IGF2R: variants seen among roughly 807,000 people sequenced by gnomAD.
The protein encoded by IGF2R is cation-independent mannose-6-phosphate receptor.
Under a neutral mutation model 270.6 loss-of-function variants are expected in IGF2R, and 91 were observed. The observed-to-expected ratio is 0.34, with a 90% CI of 0.28 to 0.40. The LOEUF (loss-of-function observed/expected upper bound fraction) is 0.40, where lower values mean the gene tolerates loss of function less well. IGF2R is among the 10% of genes least tolerant of loss of function. The probability of loss-of-function intolerance (pLI) is 1.00; values close to 1 mark genes in which losing one functional copy is unlikely to be tolerated. For synonymous variants in IGF2R, 1,316 were observed against 1,258.9 expected, an observed-to-expected ratio of 1.05 and a Z score of -0.96; for missense variants, 2,805 against 3,188.3, an observed-to-expected ratio of 0.88 and a Z score of 2.90.
rs148885068 is a variant in IGF2R at position 160,058,999 on chromosome 6, A to G, written c.2992A>G (p.Asn998Asp). ...AGAAACCCAAACTGAAGAGCTCAAG[A>G]ATTGGAAGCCAGCAAGGCCAGTCGG... ...EAETQTEELKNWKPARPVGIE... is the reference protein window; with the variant it reads ...EAETQTEELKDWKPARPVGIE... The change falls in exon 22 of 48, where the codon AAT (asparagine) becomes GAT (aspartate). Residue 998 changes from asparagine (N) to aspartate (D), a missense_variant. Transcript: ENST00000356956. 3.8e-5 allele frequency: 62 copies of G among 1,614,130 alleles called. No individual in the cohort carries two copies. The East Asian group carries it at 5.3e-4, about 14-fold the overall frequency.
intron 1 of IGF2R, among the ~76,000 whole-genome samples, chr6:159,986,216 C>G (rs926247749): frequency 2.0e-5 from 3 of 151,098 alleles, no homozygotes; most frequent in Admixed American, 6.6e-5. Flanking sequence ...GCTTTCTTAC[C>G]TATCCTGCTG....
intron 2 of IGF2R, among the ~76,000 whole-genome samples, chr6:159,996,641 C>A (rs112118335): frequency 6.6e-6 from 1 of 152,126 alleles, no homozygotes; most frequent in East Asian, 1.9e-4. Context: ...TGTCACACCC[C>A]GTCCTGGCGC....
chr6:160,064,283 G>A, intron 27 of IGF2R, 118 bp from the exon 28 acceptor site: 1 of 1,144,770 alleles, frequency 8.7e-7, no homozygotes, highest in Non-Finnish European at 1.3e-6. Context: ...ATGGTGCTGG[G>A]AGGCCAGGGA....
intron 4 of IGF2R, among the ~76,000 whole-genome samples, chr6:160,022,453 G>A (rs1026526243): frequency 4.6e-5 from 7 of 152,092 alleles, no homozygotes; most frequent in African/African-American, 1.7e-4. Flanking sequence ...CTAACAGTGG[G>A]GTTTCTTGAT....
chr6:160,043,365 C>T lies in IGF2R; in HGVS notation c.1621+77C>T, dbSNP rs537792618. ...GTTTGGAATGAGTTAGAAGATCTTT[C>T]TGTGGTTCATCTAAGCCTCCTCTTT... On this transcript the variant is annotated intron_variant, in intron 12 of 47. Transcript: ENST00000356956. The T allele has an allele frequency of 1.1e-5, 16 of 1,466,886 alleles. 1 individual carries two copies. In the East Asian group the frequency reaches 1.4e-4, roughly 13 times the overall value. 90.9% of individuals were successfully genotyped at this position (1,466,886 alleles called of 1,614,324 possible).
chr6:160,021,722 A>G (rs1777439967), intron 4 of IGF2R, among the ~76,000 whole-genome samples: 1 of 152,306 alleles, frequency 6.6e-6, no homozygotes, highest in Non-Finnish European at 1.5e-5. Context: ...TAAAAAGTCA[A>G]AAAACAACAG....
chr6:159,984,540 C>T (rs927392171), intron 1 of IGF2R, among the ~76,000 whole-genome samples: 14 of 152,170 alleles, frequency 9.2e-5, no homozygotes, highest in Non-Finnish European at 1.8e-4. Flanking sequence ...ACCTTTTCTA[C>T]GTTTAGATAT....
chr6:160,027,230 G>A lies in IGF2R; in HGVS notation c.692G>A (p.Gly231Asp), dbSNP rs8191753. ...PGSQLRACPPGTAACLVRGHQ... is the reference protein window; with the variant it reads ...PGSQLRACPPDTAACLVRGHQ... ...TCACAGCTGCGGGCCTGTCCCCCCG[G>A]CACTGCCGCCTGCCTGGTAAGAGGA... The change falls in exon 6 of 48, where the codon GGC becomes GAC. Residue 231 changes from glycine to aspartate, a missense_variant. Transcript: ENST00000356956. The A allele has an allele frequency of 5.5e-4, 889 of 1,614,214 alleles. 2 individuals carry two copies. In the African/African-American group the frequency reaches 8.7e-3, roughly 16 times the overall value.
chr6:159,970,318 G>GCTTCC (rs1783591184), intron 1 of IGF2R, among the ~76,000 whole-genome samples: 1 of 152,128 alleles, frequency 6.6e-6, no homozygotes, highest in African/African-American at 2.4e-5. Flanking sequence ...AGGATGAAAA[G>GCTTCC]TTTTGAACAG....
intron 44 of IGF2R, among the ~76,000 whole-genome samples, chr6:160,092,440 C>G (rs1779247820): frequency 6.6e-6 from 1 of 152,364 alleles, no homozygotes; most frequent in Middle Eastern, 3.4e-3. Flanking sequence ...TGAGGATCCC[C>G]AGCTTTCAGA....
In IGF2R at chr6:160,084,226, C is replaced by A; in HGVS notation, c.6068+42C>A. 2 of 1,204,660 alleles carry A rather than the reference C, an allele frequency of 1.7e-6. No individual in the cohort carries two copies. The highest frequency in any genetic ancestry group is 2.5e-6 in the Non-Finnish European group (2 of 810,652). 74.6% of individuals were successfully genotyped at this position (1,204,660 alleles called of 1,614,324 possible). ...TCCACCCGCGGCGCCACACCCTCAG[C>A]ATGTGAACTTCAGACTGCTTGACGA... On this transcript the variant is annotated intron_variant, in intron 40 of 47. Coordinates refer to ENST00000356956, the MANE Select transcript of IGF2R (RefSeq NM_000876.4). The surrounding 1 kb of genome is among the most constrained non-coding windows in gnomAD (Gnocchi z 4.6).
chr6:160,075,419 G>A (rs989645936), intron 35 of IGF2R, among the ~76,000 whole-genome samples: 1 of 152,224 alleles, frequency 6.6e-6, no homozygotes. Flanking sequence ...ACTGGGCAGT[G>A]AGGGTGGCAG....
chr6:160,016,603 A>G (rs1055224580), intron 4 of IGF2R, among the ~76,000 whole-genome samples: 7 of 152,212 alleles, frequency 4.6e-5, no homozygotes, highest in African/African-American at 1.4e-4. Flanking sequence ...CAAGTGCACA[A>G]TTGCACAGTG....
chr6:159,982,317 C>G (rs1174221115), intron 1 of IGF2R, among the ~76,000 whole-genome samples: 1 of 152,180 alleles, frequency 6.6e-6, no homozygotes, highest in African/African-American at 2.4e-5. Context: ...GAAACACTGT[C>G]TGATACTGTT....
intron 4 of IGF2R, among the ~76,000 whole-genome samples, chr6:160,020,632 T>G (rs1188715895): frequency 1.3e-5 from 2 of 151,548 alleles, no homozygotes; most frequent in Non-Finnish European, 2.9e-5. Context: ...AAACCCAGAG[T>G]CAAAGCTGCA....
chr6:160,074,612 T>C (rs1778817410), intron 35 of IGF2R, among the ~76,000 whole-genome samples: 1 of 152,240 alleles, frequency 6.6e-6, no homozygotes. Context: ...TCTTTAAAAA[T>C]TGTCTCCATG....
intron 2 of IGF2R, 123 bp downstream of exon 2, chr6:159,991,446 G>T: frequency 1.3e-6 from 1 of 762,802 alleles, no homozygotes; most frequent in South Asian, 2.0e-5. Flanking sequence ...AATCATAAGT[G>T]TTTATAATAC....
chr6:160,005,441 A>G (rs1264076240), intron 2 of IGF2R: 1 of 151,838 alleles, frequency 6.6e-6, no homozygotes, highest in African/African-American at 2.4e-5. Flanking sequence ...GCCCTTGGCC[A>G]CTGGGCTGCG....
Position 160,029,399 on chromosome 6 carries a change from A to T in IGF2R, c.777-151A>T, listed in dbSNP as rs939579035. ...TTTTTTTTCAAATGGAAATAAAGTC[A>T]TTTTATACCATATCTACTTTTATAT... On this transcript the variant is annotated intron_variant, in intron 6 of 47. Coordinates refer to ENST00000356956, the MANE Select transcript of IGF2R (RefSeq NM_000876.4). 5.1e-5 allele frequency: 27 copies of T among 532,684 alleles called. No individual in the cohort carries two copies. In the Admixed American group the frequency reaches 9.1e-4, roughly 18 times the overall value. The allele number at this position is 532,684 out of a possible 1,614,324, so 33.0% of individuals were successfully genotyped here. A position where few individuals can be genotyped will look rare whatever the true frequency, so the allele number is the denominator to read the frequency against.
Sources: gnomAD v4.1 joint callset for allele counts (sites outside exome capture counted in the v4.1 genomes callset) on GRCh38, gnomAD v4.1.1 for gene constraint, Gnocchi (gnomAD v3.1) non-coding constraint, MANE v1.5 for transcripts, NCBI Gene and HGNC (gene_info 2026-07-23, HGNC 2026-07-21) for gene names.